Variants in ROR1 observed in about 807,000 individuals in gnomAD.
ROR1 encodes the protein inactive tyrosine-protein kinase transmembrane receptor ROR1.
A neutral mutation model predicts 78.8 loss-of-function variants in ROR1; 19 were observed. The ratio of observed to expected loss-of-function variants is 0.24; its 90% CI spans 0.17 to 0.35. The LOEUF (loss-of-function observed/expected upper bound fraction) is 0.35. Ranked by LOEUF, ROR1 falls within the 10% of genes least tolerant of loss-of-function variation. The pLI, the probability that ROR1 is intolerant of heterozygous loss-of-function variation, is 1.00. For synonymous variants in ROR1, 386 were observed against 433.6 expected, an observed-to-expected ratio of 0.89 and a Z score of 1.36; for missense variants, 917 against 1,177.8, an observed-to-expected ratio of 0.78 and a Z score of 3.24.
chr1:63,881,059 C>T (rs550056731), intron 1 of ROR1, among the ~76,000 whole-genome samples: 1 of 152,052 alleles, frequency 6.6e-6, no homozygotes, highest in African/African-American at 2.4e-5. Flanking sequence ...ATACCCTGTC[C>T]ATAGGCAGAG....
Position 64,131,299 on chromosome 1 carries a change from C to T in ROR1, c.483-6070C>T, listed in dbSNP as rs80120870. Among the ~76,000 whole-genome samples, 18 of 152,248 alleles carry T rather than the reference C, an allele frequency of 1.2e-4. No individual in the cohort carries two copies. The East Asian group carries it at 1.9e-3, about 16-fold the overall frequency. ...GTTGGGCTATTTATTTCACTGCTCTCTGTCCCTATGAGGCTGCCATGCTGT... is the reference window on the plus strand; with the variant it reads ...GTTGGGCTATTTATTTCACTGCTCTTTGTCCCTATGAGGCTGCCATGCTGT... On this transcript the variant is annotated intron_variant, in intron 4 of 8. Transcript: ENST00000371079.
intron 7 of ROR1, among the ~76,000 whole-genome samples, chr1:64,154,163 G>A (rs1649705260): frequency 6.6e-6 from 1 of 152,038 alleles, no homozygotes; most frequent in African/African-American, 2.4e-5. Context: ...GAATACATAA[G>A]GCAATAGATC....
intron 1 of ROR1, among the ~76,000 whole-genome samples, chr1:63,986,126 T>C (rs757795446): frequency 6.6e-6 from 1 of 151,986 alleles, no homozygotes; most frequent in Non-Finnish European, 1.5e-5. Context: ...TGAAAAATGG[T>C]ATAGAGGGGT....
intron 4 of ROR1, among the ~76,000 whole-genome samples, chr1:64,074,941 T>A (rs1647036984): frequency 6.6e-6 from 1 of 152,226 alleles, no homozygotes; most frequent in South Asian, 2.1e-4. Flanking sequence ...CTTAGGATAG[T>A]ACCTGGCACA....
Position 63,891,381 on chromosome 1 carries a change from G to A in ROR1, c.91+116873G>A, listed in dbSNP as rs546090205. 3.3e-5 allele frequency among the ~76,000 whole-genome samples: 5 copies of A among 152,246 alleles called. No homozygotes were observed. The South Asian group carries it at 8.3e-4, about 25-fold the overall frequency. The stretch of plus-strand genomic sequence containing the variant: ...CTCCTGACTACAGGATGGTGGTGAG[G>A]ACTCCTTTGTCTGAGGCACTTAGAG... On this transcript the variant is annotated intron_variant, in intron 1 of 8. Coordinates refer to ENST00000371079, the MANE Select transcript of ROR1 (RefSeq NM_005012.4).
intron 7 of ROR1, chr1:64,142,980 A>G: frequency 9.0e-7 from 1 of 1,114,396 alleles, no homozygotes; most frequent in East Asian, 5.9e-5. Flanking sequence ...TCTGCGTCCA[A>G]GTGGACCTTT....
chr1:63,776,861 T>C (rs539606096), intron 1 of ROR1, among the ~76,000 whole-genome samples: 18 of 152,238 alleles, frequency 1.2e-4, no homozygotes, highest in Non-Finnish European at 2.4e-4. Context: ...TTGTGAATGT[T>C]TGATCTTTTC....
intron 1 of ROR1, among the ~76,000 whole-genome samples, chr1:63,892,861 G>A (rs1645409051): frequency 6.6e-6 from 1 of 152,162 alleles, no homozygotes. Context: ...GGGGTGACAG[G>A]AGAGACCAGA....
chr1:64,025,985 A>G (rs1275683155), intron 2 of ROR1, among the ~76,000 whole-genome samples: 1 of 152,208 alleles, frequency 6.6e-6, no homozygotes, highest in Non-Finnish European at 1.5e-5. Flanking sequence ...ATGTAACCAA[A>G]TACCACCTGT....
At chr1:63,993,219 C>T (rs1197778385) in intron 1 of ROR1, among the ~76,000 whole-genome samples, 3 of 152,180 alleles carry the variant, frequency 2.0e-5, no homozygotes, top group Non-Finnish European at 2.9e-5. Context: ...CTGTTGCCCT[C>T]CTACTCGCTC....
chr1:63,791,949 A>T (rs928941771), intron 1 of ROR1, among the ~76,000 whole-genome samples: 1 of 152,150 alleles, frequency 6.6e-6, no homozygotes, highest in African/African-American at 2.4e-5. Flanking sequence ...ATCATTCTTG[A>T]TACTGAGGGT....
chr1:63,954,446 T>C (rs1309779325), intron 1 of ROR1, among the ~76,000 whole-genome samples: 1 of 152,188 alleles, frequency 6.6e-6, no homozygotes, highest in African/African-American at 2.4e-5. Context: ...TCTATTATTT[T>C]GGAAGAGGGA....
At chr1:64,002,708 A>G (rs1182792161) in intron 1 of ROR1, among the ~76,000 whole-genome samples, 1 of 151,408 alleles carries the variant, frequency 6.6e-6, no homozygotes, top group Non-Finnish European at 1.5e-5. Context: ...TCCAAAGAGG[A>G]AAAAAAAAGG....
intron 1 of ROR1, among the ~76,000 whole-genome samples, chr1:63,924,432 G>A (rs1369870021): frequency 1.3e-5 from 2 of 152,112 alleles, no homozygotes; most frequent in African/African-American, 4.8e-5. Flanking sequence ...GTCTTTCAAT[G>A]TCTATATTCA....
chr1:64,067,444 CAAAAAAAA>C (rs58105318), intron 4 of ROR1, among the ~76,000 whole-genome samples: 2 of 57,476 alleles, frequency 3.5e-5, no homozygotes, highest in Non-Finnish European at 6.7e-5. Flanking sequence ...GCCTCCGTCT[CAAAAAAAA>C]AAAAAAAAAA....
At chr1:64,139,164 CAAAAAAAAAAAA>C (rs755368714) in intron 5 of ROR1, among the ~76,000 whole-genome samples, 46 of 20,664 alleles carry the variant, frequency 2.2e-3, no homozygotes, top group African/African-American at 6.2e-3. Flanking sequence ...GAGACTGTCT[CAAAAAAAAAAAA>C]AAAAAAAAAA....
intron 8 of ROR1, among the ~76,000 whole-genome samples, chr1:64,159,671 G>GT (rs5774685): frequency 0.24 from 35,952 of 150,782 alleles, 5,075 homozygotes; most frequent in East Asian, 0.36. Context: ...ATTTTGTTGT[G>GT]TTTTTTTACC....
intron 7 of ROR1, among the ~76,000 whole-genome samples, chr1:64,151,869 C>T (rs187944564): frequency 1.4e-4 from 18 of 126,062 alleles, no homozygotes; most frequent in Non-Finnish European, 2.7e-4. Flanking sequence ...GGTGACAGAG[C>T]GACACTCCGT....
chr1:64,107,785 G>A (rs554076913), intron 4 of ROR1, among the ~76,000 whole-genome samples: 28 of 151,842 alleles, frequency 1.8e-4, no homozygotes, highest in South Asian at 6.2e-4. Flanking sequence ...CACCTCTGAC[G>A]TATTTTCAAA....
Sources: gnomAD v4.1 joint callset for allele counts (sites outside exome capture counted in the v4.1 genomes callset) on GRCh38, gnomAD v4.1.1 for gene constraint, MANE v1.5 for transcripts, NCBI Gene and HGNC (gene_info 2026-07-23, HGNC 2026-07-21) for gene names.